Variants in CEP170B observed in about 807,000 individuals in gnomAD.
CEP170B encodes the protein centrosomal protein of 170 kDa protein B.
Under a neutral mutation model 120.6 loss-of-function variants are expected in CEP170B, and 55 were observed. The ratio of observed to expected loss-of-function variants is 0.46; its 90% CI spans 0.37 to 0.57. The LOEUF is 0.57. CEP170B is among the 20% of genes least tolerant of loss of function. CEP170B has a pLI of 0.00. For synonymous variants in CEP170B, 1,033 were observed against 954.5 expected (o/e 1.08, Z -1.52); for missense variants, 2,212 against 2,253.3 (o/e 0.98, Z 0.37).
chr14:104,878,135 C>T (rs1895959667), intron 4 of CEP170B, among the ~76,000 whole-genome samples, 172 bp downstream of exon 4: 1 of 151,962 alleles, frequency 6.6e-6, no homozygotes, highest in Non-Finnish European at 1.5e-5. Context: ...CCAAGGAATG[C>T]CAGTCCCTGC....
In CEP170B at chr14:104,889,673, G is replaced by C. The variant is rs775941430; in HGVS notation, c.3793G>C (p.Gly1265Arg). Residue 1265 changes from glycine to arginine, a missense_variant, in exon 13 of 19, where the codon GGC (glycine) becomes CGC (arginine). By Grantham distance (125) the Gly-to-Arg change is moderately radical. Around this residue, in one of 2 missense-constraint regions of CEP170B, gnomAD observed 2,166 missense variants for 2,166.7 expected, o/e 1.00. Coordinates refer to ENST00000414716, the MANE Select transcript of CEP170B (RefSeq NM_001112726.3). ...SSSRARSRAP[G>R]PRDTDDDEEE... is the part of the protein sequence containing the mutation. Reference sequence around the variant, plus strand: ...CAGCCGGGCTCGTTCCCGGGCCCCCGGCCCCCGGGACACGGACGACGATGA... The same window carrying C: ...CAGCCGGGCTCGTTCCCGGGCCCCCCGCCCCCGGGACACGGACGACGATGA... 3.6e-5 allele frequency: 58 copies of C among 1,611,968 alleles called. No homozygotes were observed. Among genetic ancestry groups the C allele is most frequent in the Non-Finnish European group, 4.7e-5 (56 of 1,179,710 alleles).
At position 104,894,993 on chromosome 14, in the gene CEP170B, T is replaced by A. The variant is rs1435188634; in HGVS notation, c.*35T>A. ...CTGGCCAGGCCAGCCTCCCTGTGCG[T>A]GTGCGTCTCTGCCTTCCGTCCGCCG... On this transcript the variant is annotated 3_prime_UTR_variant, in exon 19 of 19. Coordinates refer to ENST00000414716, the MANE Select transcript of CEP170B (RefSeq NM_001112726.3). The A allele has an allele frequency of 1.3e-6, 2 of 1,490,804 alleles. No homozygotes were observed. The highest frequency in any genetic ancestry group is 1.4e-5 in the African/African-American group (1 of 71,634). 92.3% of individuals were successfully genotyped at this position (1,490,804 alleles called of 1,614,324 possible).
Position 104,865,828 on chromosome 14 carries a change from G to A in CEP170B, c.-28+315G>A, listed in dbSNP as rs933647075. On this transcript the variant is annotated intron_variant, in intron 1 of 18. Transcript: ENST00000414716. The surrounding 1 kb of genome is among the most constrained non-coding windows in gnomAD (Gnocchi z 6.7). The stretch of plus-strand genomic sequence containing the variant: ...GGAGAGCGCTGATTCAGAAGGCGCC[G>A]CTCCCTCCCCCGCCGGGCCCGGCCG... 2.6e-5 allele frequency among the ~76,000 whole-genome samples: 4 copies of A among 152,024 alleles called. No homozygotes were observed. The highest frequency in any genetic ancestry group is 4.4e-5 in the Non-Finnish European group (3 of 67,950).
Position 104,887,559 on chromosome 14 carries a change from A to G in CEP170B, c.3320A>G (p.Gln1107Arg). 1.2e-6 allele frequency: 2 copies of G among 1,604,918 alleles called. No individual in the cohort carries two copies. Among genetic ancestry groups the G allele is most frequent in the Non-Finnish European group, 1.7e-6 (2 of 1,177,170 alleles). The change falls in exon 12 of 19, where the codon CAG becomes CGG. Residue 1107 changes from glutamine (Q) to arginine (R), a missense_variant. Gln to Arg is a conservative substitution (Grantham distance 43). This residue lies in a region of CEP170B where 2,166 missense variants were observed against 2,166.7 expected (regional missense o/e 1.00). Coordinates refer to ENST00000414716, the MANE Select transcript of CEP170B (RefSeq NM_001112726.3). ...RSSASSQKGP[Q>R]ALTRSNSLST... ...TCAGCCAGCTCCCAGAAGGGGCCGC[A>G]GGCCTTGACCCGCTCCAACAGCCTG...
In CEP170B at chr14:104,887,701, C is replaced by T; in HGVS notation, c.3462C>T (p.Gly1154=). ...RGSLGNPEPV[G]RPAAEQAKKL... is the part of the protein sequence containing the mutation. ...CCCTGGGCAACCCTGAGCCCGTGGG[C>T]CGGCCAGCTGCTGAGCAGGCCAAGA... The change falls in exon 12 of 19, where the codon GGC becomes GGT. Residue 1154 remains glycine (G), a synonymous_variant. Transcript: ENST00000414716. 1.3e-6 allele frequency: 2 copies of T among 1,585,434 alleles called. No individual in the cohort carries two copies. The highest frequency in any genetic ancestry group is 1.7e-6 in the Non-Finnish European group (2 of 1,168,038).
Position 104,868,620 on chromosome 14 carries a change from G to C in CEP170B, c.105+65G>C, listed in dbSNP as rs1895307937. 1 of 1,444,356 alleles carries C rather than the reference G, an allele frequency of 6.9e-7. No homozygotes were observed. Among genetic ancestry groups the C allele is most frequent in the East Asian group, 2.5e-5 (1 of 40,174 alleles). The allele number at this position is 1,444,356 out of a possible 1,614,324, so 89.5% of individuals were successfully genotyped here. A position where few individuals can be genotyped will look rare whatever the true frequency, so the allele number is the denominator to read the frequency against. On this transcript the variant is annotated intron_variant, in intron 2 of 18. Coordinates refer to ENST00000414716, the MANE Select transcript of CEP170B (RefSeq NM_001112726.3). This position sits in a 1 kb window ranked among gnomAD's most constrained non-coding sequence, Gnocchi z 5.9. ...GACAGTCTGTCCCTGTGGAGGCCAG[G>C]AAGGTGCCCACCCCACTTGCTGCAG...
rs996072082 is a variant in CEP170B, at chr14:104,896,326, T to A, written c.*1368T>A. The A allele has an allele frequency of 4.7e-5, 16 of 339,796 alleles. No homozygotes were observed. The highest frequency in any genetic ancestry group is 1.5e-4 in the East Asian group (2 of 12,924). 21.0% of individuals were successfully genotyped at this position (339,796 alleles called of 1,614,324 possible). A position where few individuals can be genotyped will look rare whatever the true frequency, so the allele number is the denominator to read the frequency against. On this transcript the variant is annotated 3_prime_UTR_variant, in exon 19 of 19. Coordinates refer to ENST00000414716, the MANE Select transcript of CEP170B (RefSeq NM_001112726.3). ...CCCACCTGATGTTTACGTGTGTGTG[T>A]GAGGGGGGGCGGGGGTGGCAGGTGT...
chr14:104,890,365 AG>A (rs1896761141), intron 13 of CEP170B, among the ~76,000 whole-genome samples: 3 of 15,936 alleles, frequency 1.9e-4, no homozygotes, highest in East Asian at 1.3e-3. Context: ...TGGATGGATG[AG>A]TGGGTGGGTG....
intron 10 of CEP170B, 59 bp from the exon 11 acceptor site, chr14:104,885,980 AC>A (rs1442757720): frequency 1.8e-5 from 26 of 1,424,232 alleles, no homozygotes; most frequent in Admixed American, 7.6e-5. Context: ...GTTCCCTGGC[AC>A]CCCCTGCTTC....
At position 104,887,045 on chromosome 14, in the gene CEP170B, G is replaced by A. The variant is rs770208522; in HGVS notation, c.2806G>A (p.Glu936Lys). Residue 936 changes from glutamate to lysine, a missense_variant, in exon 12 of 19, where the codon GAG becomes AAG. Glu to Lys is a moderately conservative substitution (Grantham distance 56). Coordinates refer to ENST00000414716, the MANE Select transcript of CEP170B (RefSeq NM_001112726.3). ...ACTCCTCTCTAATTCTGTGGATGCC[G>A]AGTGTGAGGGGGGCAGCACCCCGAG... Reference protein sequence around the residue: ...ARLLSNSVDAECEGGSTPRPP... With the variant: ...ARLLSNSVDAKCEGGSTPRPP... 1 of 1,611,356 alleles carries A rather than the reference G, an allele frequency of 6.2e-7. No homozygotes were observed. The highest frequency in any genetic ancestry group is 8.5e-7 in the Non-Finnish European group (1 of 1,179,804).
Position 104,872,333 on chromosome 14 carries a change from G to T in CEP170B, c.105+3778G>T, listed in dbSNP as rs1344966776. Among the ~76,000 whole-genome samples, 138 of 80,626 alleles carry T rather than the reference G, an allele frequency of 1.7e-3. 3 individuals carry two copies. The highest frequency in any genetic ancestry group is 3.1e-3 in the Non-Finnish European group (104 of 33,206). The allele number at this position is 80,626 out of a possible 152,430, so 52.9% of individuals were successfully genotyped here. ...TGCGTGTGTGCCGTGGGTGTGCGTGGGTGTGCGTGTGTGTGCGTGTGTGTG... is the reference window on the plus strand; with the variant it reads ...TGCGTGTGTGCCGTGGGTGTGCGTGTGTGTGCGTGTGTGTGCGTGTGTGTG... On this transcript the variant is annotated intron_variant, in intron 2 of 18. Coordinates refer to ENST00000414716, the MANE Select transcript of CEP170B (RefSeq NM_001112726.3).
chr14:104,887,573 T>G lies in CEP170B; in HGVS notation c.3334T>G (p.Ser1112Ala). The G allele has an allele frequency of 6.3e-7, 1 of 1,595,098 alleles. No individual in the cohort carries two copies. Among genetic ancestry groups the G allele is most frequent in the South Asian group, 1.1e-5 (1 of 88,972 alleles). Residue 1112 changes from serine to alanine, a missense_variant, in exon 12 of 19, where the codon TCC (serine) becomes GCC (alanine). Physicochemically the swap from Ser to Ala is moderately conservative, Grantham distance 99. Around this residue, in one of 2 missense-constraint regions of CEP170B, gnomAD observed 2,166 missense variants for 2,166.7 expected, o/e 1.00. Transcript: ENST00000414716. The stretch of plus-strand genomic sequence containing the variant: ...GAAGGGGCCGCAGGCCTTGACCCGC[T>G]CCAACAGCCTGTCCACCCCTCGCCC... ...SQKGPQALTR[S>A]NSLSTPRPTR...
At chr14:104,893,702 G>A in intron 15 of CEP170B, 36 bp downstream of exon 15, 1 of 1,585,002 alleles carries the variant, frequency 6.3e-7, no homozygotes, top group Non-Finnish European at 8.6e-7. Flanking sequence ...GCTGGGTGTG[G>A]GGGGAGCAGG....
intron 1 of CEP170B, among the ~76,000 whole-genome samples, chr14:104,866,006 C>G (rs925855153): frequency 8.5e-5 from 13 of 152,374 alleles, no homozygotes; most frequent in African/African-American, 2.6e-4. Context: ...CCCCGCCCGG[C>G]TCGCTGCCCT....
Position 104,891,847 on chromosome 14 carries a change from G to T in CEP170B, c.3879-1129G>T, listed in dbSNP as rs1896867198. Among the ~76,000 whole-genome samples the T allele has an allele frequency of 6.6e-6, 1 of 152,182 alleles. No homozygotes were observed. Among genetic ancestry groups the T allele is most frequent in the Admixed American group, 6.5e-5 (1 of 15,280 alleles). On this transcript the variant is annotated intron_variant, in intron 13 of 18. Transcript: ENST00000414716. The surrounding 1 kb of genome is among the most constrained non-coding windows in gnomAD (Gnocchi z 4.3). ...GTGCCAGTTGGTGTCACCCAGAGGT[G>T]GAGGGAGGGCTTCCATGTTTTGTCT...
intron 2 of CEP170B, among the ~76,000 whole-genome samples, chr14:104,875,779 T>C (rs1184076343): frequency 6.6e-6 from 1 of 152,022 alleles, no homozygotes; most frequent in African/African-American, 2.4e-5. Context: ...GGGGGGGTGG[T>C]CCTGGGTGGG....
Position 104,894,897 on chromosome 14 carries a change from G to C in CEP170B, c.4604G>C (p.Cys1535Ser). Residue 1535 changes from cysteine to serine, a missense_variant, in exon 19 of 19, where the codon TGT becomes TCT. This residue lies in a region of CEP170B where 2,166 missense variants were observed against 2,166.7 expected (regional missense o/e 1.00). Transcript: ENST00000414716. Reference protein sequence around the residue: ...PLRNFPQRASCGPPSLPDPTF... With the variant: ...PLRNFPQRASSGPPSLPDPTF... Reference sequence around the variant, plus strand: ...AGGAATTTCCCACAGCGGGCCAGCTGTGGGCCTCCCAGCCTCCCGGACCCC... The same window carrying C: ...AGGAATTTCCCACAGCGGGCCAGCTCTGGGCCTCCCAGCCTCCCGGACCCC... The C allele has an allele frequency of 6.2e-7, 1 of 1,601,256 alleles. No individual in the cohort carries two copies. Among genetic ancestry groups the C allele is most frequent in the South Asian group, 1.1e-5 (1 of 89,740 alleles).
chr14:104,873,793 C>T (rs11844343), intron 2 of CEP170B, among the ~76,000 whole-genome samples: 85,492 of 151,986 alleles, frequency 0.56, 24,700 homozygotes, highest in Middle Eastern at 0.71. Flanking sequence ...CTCCTTCCTT[C>T]ATGCCCCTGC....
At position 104,883,881 on chromosome 14, in the gene CEP170B, A is replaced by G. The variant is rs201957243; in HGVS notation, c.1102A>G (p.Lys368Glu). Residue 368 changes from lysine (K) to glutamate (E), a missense_variant, in exon 9 of 19, where the codon AAG becomes GAG. By Grantham distance (56) the Lys-to-Glu change is moderately conservative. This residue lies in a region of CEP170B where 2,166 missense variants were observed against 2,166.7 expected (regional missense o/e 1.00). Transcript: ENST00000414716. ...GAGTGACTCAGAGGACCCCCTGGCC[A>G]AGGCGGCCTCGGCCGCTGGGGTGCC... ...TQSDSEDPLA[K>E]AASAAGVPLE... 550 of 1,580,138 alleles carry G rather than the reference A, an allele frequency of 3.5e-4. No homozygotes were observed. In the East Asian group the frequency reaches 8.4e-3, roughly 24 times the overall value.
Sources: allele counts gnomAD v4.1 joint callset (sites outside exome capture counted in the v4.1 genomes callset), GRCh38; gene constraint gnomAD v4.1.1; regional missense constraint gnomAD v4.1.1; non-coding constraint Gnocchi (gnomAD v3.1); transcripts MANE v1.5; gene names NCBI Gene and HGNC (gene_info 2026-07-23, HGNC 2026-07-21).